TRABD2A: variants seen among roughly 807,000 people sequenced by gnomAD.
TRABD2A encodes metalloprotease TIKI1.
A neutral mutation model predicts 45.6 loss-of-function variants in TRABD2A; 43 were observed. That is an observed-to-expected ratio of 0.94 (90% CI 0.74 to 1.22). The LOEUF (loss-of-function observed/expected upper bound fraction) is 1.22. Among genes scored for constraint, TRABD2A ranks in the 50% most tolerant of loss-of-function variants. The pLI is 0.00. For synonymous variants in TRABD2A, 269 were observed against 265.0 expected (o/e 1.02, Z -0.15); for missense variants, 642 against 652.4 (o/e 0.98, Z 0.17).
At chr2:84,855,295 A>G (rs1682236160) in intron 2 of TRABD2A, among the ~76,000 whole-genome samples, 1 of 152,204 alleles carries the variant, frequency 6.6e-6, no homozygotes, top group African/African-American at 2.4e-5. Context: ...GAAATATTAC[A>G]ACTAAGATAA....
intron 2 of TRABD2A, among the ~76,000 whole-genome samples, chr2:84,859,827 G>C (rs1254166678): frequency 6.6e-6 from 1 of 152,182 alleles, no homozygotes; most frequent in East Asian, 1.9e-4. Flanking sequence ...GATGCTGCCA[G>C]TCCAGGGACA....
chr2:84,823,140 A>G (rs1262347947), intron 6 of TRABD2A, among the ~76,000 whole-genome samples: 1 of 152,316 alleles, frequency 6.6e-6, no homozygotes, highest in South Asian at 2.1e-4. Context: ...TCTACTCAGT[A>G]TAAGCCAAAA....
At chr2:84,877,925 G>A (rs1355621185) in intron 1 of TRABD2A, among the ~76,000 whole-genome samples, 1 of 152,180 alleles carries the variant, frequency 6.6e-6, no homozygotes, top group Non-Finnish European at 1.5e-5. Context: ...GCTATGGCAA[G>A]GCACTCTTCT....
In TRABD2A at chr2:84,863,239, C is replaced by CTTTTTTTTTTTTTTTTTTTTTTTTTT. The variant is rs773927512; in HGVS notation, c.669+6985_669+6986insAAAAAAAAAAAAAAAAAAAAAAAAAA. 3.7e-4 allele frequency among the ~76,000 whole-genome samples: 36 copies of CTTTTTTTTTTTTTTTTTTTTTTTTTT among 98,136 alleles called. 3 individuals are homozygous for CTTTTTTTTTTTTTTTTTTTTTTTTTT. The highest frequency in any genetic ancestry group is 4.8e-4 in the Admixed American group (4 of 8,418). The allele number at this position is 98,136 out of a possible 152,430, so 64.4% of individuals were successfully genotyped here. On this transcript the variant is annotated intron_variant, in intron 2 of 6. Transcript: ENST00000409520. ...CCAAAAGGTTAGACTTCATGTGAAT[C>CTTTTTTTTTTTTTTTTTTTTTTTTTT]TTTTTTTTTTTTTTTTTTTTTTTGA...
At chr2:84,869,245 A>G (rs1559097892) in intron 2 of TRABD2A, among the ~76,000 whole-genome samples, 1 of 152,362 alleles carries the variant, frequency 6.6e-6, no homozygotes, top group Middle Eastern at 3.4e-3. Flanking sequence ...CAAAACCTCA[A>G]CGTGACCCAA....
chr2:84,841,986 T>C lies in TRABD2A; in HGVS notation c.691A>G (p.Thr231Ala). The C allele has an allele frequency of 6.5e-7, 1 of 1,532,070 alleles. No individual in the cohort carries two copies. Among genetic ancestry groups the C allele is most frequent in the Non-Finnish European group, 8.8e-7 (1 of 1,139,576 alleles). The allele number at this position is 1,532,070 out of a possible 1,614,324, so 94.9% of individuals were successfully genotyped here. A position where few individuals can be genotyped will look rare whatever the true frequency, so the allele number is the denominator to read the frequency against. ...FSQVIFALNQTLLQQESLRAG... is the reference protein window; with the variant it reads ...FSQVIFALNQALLQQESLRAG... The stretch of plus-strand genomic sequence containing the variant: ...CGCAGGCTTTCCTGCTGCAGGAGGG[T>C]CTGGTTCAAAGCAAAGATGACCTAA... Residue 231 changes from threonine to alanine, a missense_variant, in exon 3 of 7, where the codon ACC becomes GCC. Coordinates refer to ENST00000409520, the MANE Select transcript of TRABD2A (RefSeq NM_001277053.2).
intron 4 of TRABD2A, chr2:84,837,971 T>C (rs1221075235): frequency 4.9e-6 from 2 of 406,326 alleles, no homozygotes; most frequent in African/African-American, 4.1e-5. Context: ...CCAGCAACTA[T>C]GATGTTAAAC....
At chr2:84,837,458 T>G (rs1274865095) in intron 4 of TRABD2A, 1 of 152,260 alleles carries the variant, frequency 6.6e-6, no homozygotes, top group Admixed American at 6.5e-5. Flanking sequence ...TTGTTTTTAT[T>G]GAAAACTAGA....
intron 2 of TRABD2A, among the ~76,000 whole-genome samples, chr2:84,864,928 C>T (rs1682627968): frequency 1.3e-5 from 2 of 152,160 alleles, no homozygotes. Flanking sequence ...ATCCACCTAG[C>T]CCTTAATAAC....
At chr2:84,877,281 G>T (rs1010652772) in intron 1 of TRABD2A, among the ~76,000 whole-genome samples, 8 of 151,092 alleles carry the variant, frequency 5.3e-5, no homozygotes, top group African/African-American at 1.9e-4. Flanking sequence ...TCAGGGTAGG[G>T]CTATTTATCT....
chr2:84,858,591 G>T (rs1448024400), intron 2 of TRABD2A, among the ~76,000 whole-genome samples: 2 of 152,156 alleles, frequency 1.3e-5, no homozygotes, highest in Non-Finnish European at 2.9e-5. Context: ...ATGAGGATAG[G>T]CTGTGCCCAA....
intron 2 of TRABD2A, among the ~76,000 whole-genome samples, chr2:84,856,221 G>A (rs186030198): frequency 6.6e-6 from 1 of 152,074 alleles, no homozygotes; most frequent in African/African-American, 2.4e-5. Context: ...GAGGGTGTCT[G>A]GTCCTTGCCT....
At chr2:84,854,839 C>A (rs1364198713) in intron 2 of TRABD2A, among the ~76,000 whole-genome samples, 1 of 151,560 alleles carries the variant, frequency 6.6e-6, no homozygotes, top group Admixed American at 6.6e-5. Context: ...ATGCCCCTTG[C>A]CCCCCCAGAG....
chr2:84,827,322 C>T (rs1018783622), intron 5 of TRABD2A, among the ~76,000 whole-genome samples: 1 of 152,222 alleles, frequency 6.6e-6, no homozygotes, highest in African/African-American at 2.4e-5. Context: ...GGAAAAGACC[C>T]CAGGCTTGGA....
intron 1 of TRABD2A, chr2:84,879,661 T>C (rs1182892559): frequency 6.9e-5 from 66 of 957,192 alleles, no homozygotes; most frequent in Non-Finnish European, 8.1e-5. Flanking sequence ...TGTGAGGAGA[T>C]GGACTCCTGC....
intron 2 of TRABD2A, among the ~76,000 whole-genome samples, chr2:84,852,293 A>C (rs1476365852): frequency 6.6e-6 from 1 of 152,184 alleles, no homozygotes; most frequent in Non-Finnish European, 1.5e-5. Flanking sequence ...AAGTCTGCAG[A>C]CCCAGGACAG....
chr2:84,833,668 A>T (rs925846464), intron 4 of TRABD2A: 3 of 151,920 alleles, frequency 2.0e-5, no homozygotes, highest in African/African-American at 7.2e-5. Flanking sequence ...TCCTCTGTTC[A>T]ACTTAGCCTT....
chr2:84,848,343 T>C (rs1371741213), intron 2 of TRABD2A, among the ~76,000 whole-genome samples: 1 of 120,922 alleles, frequency 8.3e-6, no homozygotes, highest in Non-Finnish European at 1.6e-5. Flanking sequence ...GATAGATAGA[T>C]AGATAGATAG....
At chr2:84,842,122 G>T in intron 2 of TRABD2A, 115 bp from the exon 3 acceptor site, 1 of 1,112,160 alleles carries the variant, frequency 9.0e-7, no homozygotes, top group Non-Finnish European at 1.2e-6. Context: ...GTAAGGACGT[G>T]GATAGTGCTA....
Sources: gnomAD v4.1 joint callset for allele counts (sites outside exome capture counted in the v4.1 genomes callset) on GRCh38, gnomAD v4.1.1 for gene constraint, MANE v1.5 for transcripts, NCBI Gene and HGNC (gene_info 2026-07-23, HGNC 2026-07-21) for gene names.